The following MCF2L variants were observed in gnomAD, a reference collection of about 807,000 sequenced individuals.
MCF2L encodes the protein MCF.2 cell line derived transforming sequence like, also known as guanine nucleotide exchange factor DBS.
Under a neutral mutation model 153.4 loss-of-function variants are expected in MCF2L, and 97 were observed. The ratio of observed to expected loss-of-function variants is 0.63; its 90% CI spans 0.54 to 0.75. The LOEUF (loss-of-function observed/expected upper bound fraction) is 0.75, where lower values mean the gene tolerates loss of function less well. MCF2L is among the 30% of genes least tolerant of loss of function. The probability of loss-of-function intolerance (pLI) is 0.00; values close to 1 mark genes in which losing one functional copy is unlikely to be tolerated. For missense variants in MCF2L, 1,347 were observed against 1,495.2 expected (o/e 0.90, Z 1.64); for synonymous variants, 659 against 632.2 (o/e 1.04, Z -0.64).
intron 26 of MCF2L, chr13:113,089,954 G>C (rs1424920544): frequency 1.9e-6 from 3 of 1,597,534 alleles, no homozygotes; most frequent in Non-Finnish European, 2.6e-6. Context: ...CCCAGAAGGA[G>C]CCTCGGCCGA....
rs2085456448 is a variant in MCF2L, at chr13:113,028,678, T to G, written c.278+3920T>G. Among the ~76,000 whole-genome samples, 1 of 152,218 alleles carries G rather than the reference T, an allele frequency of 6.6e-6. No homozygotes were observed. Among genetic ancestry groups the G allele is most frequent in the South Asian group, 2.1e-4 (1 of 4,832 alleles). ...GATAATAAAAAGTGGAAGAGGCCTT[T>G]CTATCACCAAACGCTCTAAATCAGA... On this transcript the variant is annotated intron_variant, in intron 3 of 29. Coordinates refer to ENST00000535094, the MANE Select transcript of MCF2L (RefSeq NM_001112732.3). The surrounding 1 kb of genome is among the most constrained non-coding windows in gnomAD (Gnocchi z 5.4).
At position 113,094,630 on chromosome 13, in the gene MCF2L, A is replaced by G. The variant is rs755956476; in HGVS notation, c.3070A>G (p.Lys1024Glu). 6 of 1,609,870 alleles carry G rather than the reference A, an allele frequency of 3.7e-6. No homozygotes were observed. The African/African-American group carries it at 8.0e-5, about 22-fold the overall frequency. Residue 1024 changes from lysine (K) to glutamate (E), a missense_variant, in exon 27 of 30, where the codon AAG becomes GAG. This residue lies in a region of MCF2L where 383 missense variants were observed against 335.4 expected (regional missense o/e 1.14). Coordinates refer to ENST00000535094, the MANE Select transcript of MCF2L (RefSeq NM_001112732.3). ...GGAGGACGGCGGGTTGGGCCCCAAG[A>G]AGCTGGTAACCACGGCTTCCCTGTG... ...AEEDGGLGPK[K>E]LVPGKYTVVA...
intron 2 of MCF2L, among the ~76,000 whole-genome samples, chr13:112,902,817 C>G (rs1439231091): frequency 6.6e-6 from 1 of 152,196 alleles, no homozygotes; most frequent in Non-Finnish European, 1.5e-5. Flanking sequence ...GTCTCCAGAC[C>G]AGTGCCCCTG....
At chr13:112,934,516 G>C (rs1195995543) in intron 2 of MCF2L, among the ~76,000 whole-genome samples, 1 of 92,916 alleles carries the variant, frequency 1.1e-5, no homozygotes, top group African/African-American at 4.0e-5. Context: ...GATTCAAGAG[G>C]TCTGATGTGG....
intron 23 of MCF2L, 72 bp downstream of exon 23, chr13:113,087,871 G>A (rs1595004175): frequency 6.8e-6 from 9 of 1,323,784 alleles, no homozygotes; most frequent in Middle Eastern, 1.8e-4. Context: ...CCAGTGCAAG[G>A]ATCTGCCATG....
chr13:112,901,452 T>G (rs1452720679), intron 1 of MCF2L, among the ~76,000 whole-genome samples: 1 of 152,180 alleles, frequency 6.6e-6, no homozygotes, highest in Non-Finnish European at 1.5e-5. Flanking sequence ...CAATACGGTT[T>G]ATTTAAGTAA....
intron 1 of MCF2L, among the ~76,000 whole-genome samples, chr13:113,012,345 T>C (rs1452981660): frequency 1.1e-5 from 1 of 87,432 alleles, no homozygotes; most frequent in African/African-American, 4.2e-5. Flanking sequence ...ACAGGCAGTG[T>C]GGACGGTGGA....
intron 27 of MCF2L, chr13:113,094,894 G>A: frequency 8.1e-7 from 1 of 1,230,226 alleles, no homozygotes; most frequent in African/African-American, 1.5e-5. Context: ...CTGGGCCTGG[G>A]TCTTAGGATG....
chr13:113,080,189 G>A (rs113509961), intron 15 of MCF2L, among the ~76,000 whole-genome samples: 2,356 of 57,576 alleles, frequency 0.041, no homozygotes, highest in Middle Eastern at 0.09. Context: ...GTCCAGGCAG[G>A]GGGGCATCCG....
intron 1 of MCF2L, among the ~76,000 whole-genome samples, chr13:112,895,949 C>G (rs1479405896): frequency 1.3e-5 from 2 of 152,204 alleles, no homozygotes; most frequent in Non-Finnish European, 2.9e-5. Context: ...AAGAACCCCC[C>G]ACACGTCTGT....
At chr13:112,964,203 C>T (rs1237518259) in intron 2 of MCF2L, among the ~76,000 whole-genome samples, 1 of 152,250 alleles carries the variant, frequency 6.6e-6, no homozygotes. Flanking sequence ...TGAGGCAGCC[C>T]CGGCACCCCA....
chr13:112,968,430 G>T (rs767786048), upstream of MCF2L: 657 of 1,580,132 alleles, frequency 4.2e-4, 8 homozygotes, highest in Non-Finnish European at 4.7e-5. Context: ...AGGACGCTGC[G>T]TGTGTCGAGT....
At chr13:112,977,377 ACCACGGAGCTTAGGGAGGAAGTGGCCC>A (rs2082252305) in intron 1 of MCF2L, among the ~76,000 whole-genome samples, 2 of 152,074 alleles carry the variant, frequency 1.3e-5, no homozygotes, top group African/African-American at 4.8e-5. Flanking sequence ...TGGAGGGGCT[ACCACGGAGCTTAGGGAGGAAGTGGCCC>A]CCACCAGCCA....
chr13:113,078,425 C>T lies in MCF2L; in HGVS notation c.1723C>T (p.Arg575Trp), dbSNP rs778131865. Residue 575 changes from arginine to tryptophan, a missense_variant, in exon 14 of 30, where the codon CGG becomes TGG. Coordinates refer to ENST00000535094, the MANE Select transcript of MCF2L (RefSeq NM_001112732.3). ...CGGTGCGCTCCGGAGAGGGCCCTAC[C>T]GGAGGGCCAAGGTGAGGCTTGCCCA... is the stretch of plus-strand genomic sequence containing the variant. Reference protein sequence around the residue: ...EGGALRRGPYRRAKSEMSESR... With the variant: ...EGGALRRGPYWRAKSEMSESR... The T allele has an allele frequency of 9.9e-6, 16 of 1,611,438 alleles. No homozygotes were observed. Among genetic ancestry groups the T allele is most frequent in the African/African-American group, 2.7e-5 (2 of 74,932 alleles).
rs1277447563 is a variant in MCF2L, at chr13:112,962,130, C to T, written c.170-52633C>T. On this transcript the variant is annotated intron_variant, in intron 2 of 29. Transcript: ENST00000375608. ...GCACGGACACGCACATGCATGCACA[C>T]ACACACTTTCATGCAGACATGCTCA... 3.3e-5 allele frequency among the ~76,000 whole-genome samples: 5 copies of T among 150,546 alleles called. No homozygotes were observed. The East Asian group carries it at 9.8e-4, about 30-fold the overall frequency.
In MCF2L at chr13:112,920,386, T is replaced by C. The variant is rs191895219; in HGVS notation, c.169+18015T>C. On this transcript the variant is annotated intron_variant, in intron 2 of 29. Transcript: ENST00000375608. ...GTTGCTGCTGGCTTGTGTGTGTGTG[T>C]GCACACGCGTGTTTGTGATCAGTTA... 5.2e-3 allele frequency among the ~76,000 whole-genome samples: 796 copies of C among 152,300 alleles called. 7 individuals carry two copies. The highest frequency in any genetic ancestry group is 0.013 in the Admixed American group (197 of 15,306).
chr13:112,909,918 G>A (rs2081213508), intron 2 of MCF2L: 1 of 152,406 alleles, frequency 6.6e-6, no homozygotes, highest in Admixed American at 6.5e-5. Context: ...TGGGATTACA[G>A]GCATGAGCCA....
chr13:112,922,619 G>A (rs1015209674), intron 2 of MCF2L, among the ~76,000 whole-genome samples: 1 of 151,752 alleles, frequency 6.6e-6, no homozygotes, highest in Non-Finnish European at 1.5e-5. Context: ...GATTGCCTGA[G>A]CTCAGGAGTT....
At chr13:112,931,461 A>G (rs113569390) in intron 2 of MCF2L, among the ~76,000 whole-genome samples, 1 of 152,174 alleles carries the variant, frequency 6.6e-6, no homozygotes, top group Admixed American at 6.5e-5. Flanking sequence ...GAGAGGCTAC[A>G]CCCGTGTTGT....
Sources: allele counts gnomAD v4.1 joint callset (sites outside exome capture counted in the v4.1 genomes callset), GRCh38; gene constraint gnomAD v4.1.1; regional missense constraint gnomAD v4.1.1; non-coding constraint Gnocchi (gnomAD v3.1); transcripts MANE v1.5; gene names NCBI Gene and HGNC (gene_info 2026-07-23, HGNC 2026-07-21).